Variants in WDR20 observed in about 807,000 individuals in gnomAD.
The protein encoded by WDR20 is WD repeat domain 20.
In WDR20, 3 loss-of-function variants were observed where a neutral mutation model predicts 38.7. The ratio of observed to expected loss-of-function variants is 0.08; its 90% CI spans 0.04 to 0.20. The LOEUF is 0.20. Ranked by LOEUF, WDR20 falls within the 10% of genes least tolerant of loss-of-function variation. The pLI, the probability that WDR20 is intolerant of heterozygous loss-of-function variation, is 1.00. For missense variants in WDR20, 559 were observed against 727.7 expected (o/e 0.77, Z 2.67); for synonymous variants, 298 against 285.6 (o/e 1.04, Z -0.44).
chr14:102,188,791 T>C (rs1246624444), intron 1 of WDR20, among the ~76,000 whole-genome samples: 2 of 149,074 alleles, frequency 1.3e-5, no homozygotes, highest in Non-Finnish European at 3.0e-5. Context: ...GAGAATCAGT[T>C]GAGCCCAGGA....
chr14:102,222,850 C>A lies in WDR20; in HGVS notation c.1713C>A (p.Ser571Arg), dbSNP rs145965488. 1,234 of 1,614,074 alleles carry A rather than the reference C, an allele frequency of 7.6e-4. No homozygotes were observed. The highest frequency in any genetic ancestry group is 9.9e-4 in the Non-Finnish European group (1,170 of 1,180,026). Residue 571 changes from serine (S) to arginine (R), a missense_variant, in exon 4 of 4, where the codon AGC (serine) becomes AGA (arginine). By Grantham distance (110) the Ser-to-Arg change is moderately radical (BLOSUM62 -1). Coordinates refer to the WDR20 transcript ENST00000335263. The surrounding 1 kb of genome is among the most constrained non-coding windows in gnomAD (Gnocchi z 4.4). ...TGCAGGGCTCATTGTCATCCCCAAG[C>A]CAGGCCAGTTCTCCAGGTGGAACTG... is the stretch of plus-strand genomic sequence containing the variant.
chr14:102,140,398 C>T (rs1340079506), intron 1 of WDR20, among the ~76,000 whole-genome samples: 2 of 151,448 alleles, frequency 1.3e-5, no homozygotes, highest in East Asian at 1.9e-4. Flanking sequence ...GACCGTGGGG[C>T]GCGGGGGTTC....
At chr14:102,204,368 A>G (rs1394380907) in intron 2 of WDR20, among the ~76,000 whole-genome samples, 1 of 151,994 alleles carries the variant, frequency 6.6e-6, no homozygotes, top group Non-Finnish European at 1.5e-5. Context: ...CCTATTCAAC[A>G]TTGAAATCAC....
At chr14:102,141,649 G>T (rs1454458983) in intron 1 of WDR20, among the ~76,000 whole-genome samples, 1 of 152,058 alleles carries the variant, frequency 6.6e-6, no homozygotes. Flanking sequence ...GAATGTTACA[G>T]TGCACGTTGT....
downstream of WDR20, among the ~76,000 whole-genome samples, chr14:102,219,405 C>T (rs1021117712): frequency 3.3e-5 from 5 of 152,222 alleles, no homozygotes; most frequent in African/African-American, 4.8e-5. Flanking sequence ...AGTGCTGTGT[C>T]GCACCCCCTG....
chr14:102,191,016 GA>G (rs1172705763), intron 1 of WDR20, among the ~76,000 whole-genome samples: 3 of 148,834 alleles, frequency 2.0e-5, no homozygotes, highest in Admixed American at 6.7e-5. Context: ...AAAAAAAAAA[GA>G]AAAAAATTAG....
At chr14:102,199,921 C>T (rs775794114) in intron 2 of WDR20, among the ~76,000 whole-genome samples, 4 of 152,242 alleles carry the variant, frequency 2.6e-5, no homozygotes, top group Admixed American at 6.5e-5. Context: ...TAAACCGTGA[C>T]GCTCACTGTT....
At chr14:102,178,660 T>A (rs960037825) in intron 1 of WDR20, among the ~76,000 whole-genome samples, 2 of 151,728 alleles carry the variant, frequency 1.3e-5, no homozygotes, top group African/African-American at 4.8e-5. Context: ...GTAATTCTGA[T>A]GGGCTAGTTT....
intron 1 of WDR20, among the ~76,000 whole-genome samples, chr14:102,179,557 A>G (rs2152870918): frequency 6.6e-6 from 1 of 151,992 alleles, no homozygotes; most frequent in East Asian, 1.9e-4. Context: ...TGCTAAGATT[A>G]CAAACATGAG....
At chr14:102,197,800 C>T (rs1195325099) in intron 2 of WDR20, 5 of 702,706 alleles carry the variant, frequency 7.1e-6, no homozygotes, top group Non-Finnish European at 1.3e-5. Flanking sequence ...TGAAGAAAGA[C>T]AGAATGAAGG....
At chr14:102,190,173 G>A (rs2065967150) in intron 1 of WDR20, among the ~76,000 whole-genome samples, 1 of 152,202 alleles carries the variant, frequency 6.6e-6, no homozygotes, top group Non-Finnish European at 1.5e-5. Context: ...CCTCATCAAT[G>A]TAATGTGGAT....
intron 1 of WDR20, among the ~76,000 whole-genome samples, chr14:102,155,308 A>T (rs1292098575): frequency 6.6e-6 from 1 of 152,246 alleles, no homozygotes; most frequent in East Asian, 1.9e-4. Flanking sequence ...ACAAGGATAT[A>T]CCAAAGGGCT....
At chr14:102,212,503 G>T, downstream of WDR20, 6 of 1,535,820 alleles carry the variant, frequency 3.9e-6, no homozygotes, top group Non-Finnish European at 5.2e-6. Context: ...TCTGACTGCT[G>T]CCCCTTTCTT....
rs181463042 is a variant in WDR20, at chr14:102,161,197, C to G, written c.249+21025C>G. On this transcript the variant is annotated intron_variant, in intron 1 of 2. Coordinates refer to ENST00000342702, the MANE Select transcript of WDR20 (RefSeq NM_144574.4). ...GCAGAGTCTCACTCAGTCGCCCAGG[C>G]TAGAGTGCCGTGGCACAATCTTGGC... Among the ~76,000 whole-genome samples the G allele has an allele frequency of 1.5e-4, 18 of 120,324 alleles. No homozygotes were observed. In the East Asian group the frequency reaches 4.8e-3, roughly 32 times the overall value. 78.9% of individuals were successfully genotyped at this position (120,324 alleles called of 152,430 possible).
At chr14:102,180,543 G>T (rs2063175138) in intron 1 of WDR20, among the ~76,000 whole-genome samples, 1 of 152,164 alleles carries the variant, frequency 6.6e-6, no homozygotes, top group Non-Finnish European at 1.5e-5. Context: ...TTACTGCTTG[G>T]GGTGAAGAAT....
At chr14:102,200,467 T>TTTGTGTGTG (rs748066838) in intron 2 of WDR20, among the ~76,000 whole-genome samples, 1 of 117,686 alleles carries the variant, frequency 8.5e-6, no homozygotes, top group African/African-American at 3.1e-5. Context: ...ATTTTTTTTT[T>TTTGTGTGTG]TGTGTGTGTG....
chr14:102,176,268 A>G (rs1483261740), intron 1 of WDR20, among the ~76,000 whole-genome samples: 3 of 151,128 alleles, frequency 2.0e-5, no homozygotes, highest in Non-Finnish European at 2.9e-5. Context: ...GGTGGCATGC[A>G]CCTGTAGTCC....
At position 102,209,886 on chromosome 14, in the gene WDR20, C is replaced by T; in HGVS notation, c.*6C>T. 1.3e-6 allele frequency: 2 copies of T among 1,593,074 alleles called. No individual in the cohort carries two copies. Among genetic ancestry groups the T allele is most frequent in the Admixed American group, 1.7e-5 (1 of 57,484 alleles). On this transcript the variant is annotated 3_prime_UTR_variant, in exon 3 of 3. Transcript: ENST00000342702. This position sits in a 1 kb window ranked among gnomAD's most constrained non-coding sequence, Gnocchi z 6.0. Reference sequence around the variant, plus strand: ...TGGTAAGTTTTAATCCTTAATGCTGCACCAGATCTAGAACTTGAATAGGTA... The same window carrying T: ...TGGTAAGTTTTAATCCTTAATGCTGTACCAGATCTAGAACTTGAATAGGTA...
chr14:102,177,828 C>G (rs1473986306), intron 1 of WDR20, among the ~76,000 whole-genome samples: 1 of 152,222 alleles, frequency 6.6e-6, no homozygotes, highest in African/African-American at 2.4e-5. Context: ...TTGTTCTACA[C>G]AAACTCCAGT....
Sources: gnomAD v4.1 joint callset for allele counts (sites outside exome capture counted in the v4.1 genomes callset) on GRCh38, gnomAD v4.1.1 for gene constraint, Gnocchi (gnomAD v3.1) non-coding constraint, MANE v1.5 for transcripts, NCBI Gene and HGNC (gene_info 2026-07-23, HGNC 2026-07-21) for gene names.